Variants in EFR3B observed in about 807,000 individuals in gnomAD.
EFR3B encodes the protein EFR3 homolog B.
In EFR3B, 64 loss-of-function variants were observed where a neutral mutation model predicts 104.7. The ratio of observed to expected loss-of-function variants is 0.61; its 90% CI spans 0.50 to 0.75. The LOEUF is 0.75. Ranked by LOEUF, EFR3B falls within the 30% of genes least tolerant of loss-of-function variation. The probability of loss-of-function intolerance (pLI) is 0.00; values close to 1 mark genes in which losing one functional copy is unlikely to be tolerated. For synonymous variants in EFR3B, 385 were observed against 417.9 expected (o/e 0.92, Z 0.96); for missense variants, 750 against 1,078.5 (o/e 0.70, Z 4.27).
intron 12 of EFR3B, 34 bp from the exon 13 acceptor site, chr2:25,135,433 T>G: frequency 6.5e-7 from 1 of 1,549,036 alleles, no homozygotes; most frequent in Non-Finnish European, 8.7e-7. Context: ...AGGGACAGCA[T>G]TCCTAGGCAT....
rs764885668 is a variant in EFR3B at position 25,131,932 on chromosome 2, G to A, written c.1147+21G>A. 9.4e-5 allele frequency: 137 copies of A among 1,452,768 alleles called. No individual in the cohort carries two copies. In the African/African-American group the frequency reaches 1.1e-3, roughly 12 times the overall value. 90.0% of individuals were successfully genotyped at this position (1,452,768 alleles called of 1,614,324 possible). ...CGTGGGTGCGGCGCGGGGCCGGGCC[G>A]GGGCGGGGCGGGGCCGAGGCGCGGA... On this transcript the variant is annotated intron_variant, in intron 10 of 22. Coordinates refer to ENST00000403714, the MANE Select transcript of EFR3B (RefSeq NM_014971.2). This position sits in a 1 kb window ranked among gnomAD's most constrained non-coding sequence, Gnocchi z 7.6.
intron 1 of EFR3B, among the ~76,000 whole-genome samples, chr2:25,073,384 G>A (rs188420490): frequency 6.8e-6 from 1 of 147,192 alleles, no homozygotes; most frequent in African/African-American, 2.5e-5. Context: ...TTTAGACAGA[G>A]TGTTGCTCTA....
intron 1 of EFR3B, among the ~76,000 whole-genome samples, chr2:25,071,378 G>A (rs924491143): frequency 6.0e-5 from 9 of 151,076 alleles, no homozygotes; most frequent in East Asian, 3.9e-4. Context: ...CTCCTGCCTC[G>A]GCCTCCTGAG....
At chr2:25,149,884 C>T (rs547309073) in intron 20 of EFR3B, 142 bp downstream of exon 20, 291 of 785,300 alleles carry the variant, frequency 3.7e-4, no homozygotes, top group Non-Finnish European at 5.9e-4. Context: ...TGTCTTTTGA[C>T]AAACTCATCA....
rs1196121415 is a variant in EFR3B at position 25,130,599 on chromosome 2, G to T, written c.818G>T (p.Arg273Leu). Residue 273 changes from arginine (R) to leucine (L), a missense_variant, in exon 8 of 23, where the codon CGT becomes CTT. Physicochemically the swap from Arg to Leu is moderately radical, Grantham distance 102. Coordinates refer to ENST00000403714, the MANE Select transcript of EFR3B (RefSeq NM_014971.2). The surrounding 1 kb of genome is among the most constrained non-coding windows in gnomAD (Gnocchi z 4.6). ...SLWEPKVFAI[R>L]CFKIIMYSIQ... ...TGGGAACCCAAGGTGTTTGCCATCCGTTGCTTTAAAATCATCATGTACTCA... is the reference window on the plus strand; with the variant it reads ...TGGGAACCCAAGGTGTTTGCCATCCTTTGCTTTAAAATCATCATGTACTCA... 1.9e-6 allele frequency: 3 copies of T among 1,551,668 alleles called. No individual in the cohort carries two copies. Among genetic ancestry groups the T allele is most frequent in the Non-Finnish European group, 2.6e-6 (3 of 1,146,992 alleles).
intron 1 of EFR3B, among the ~76,000 whole-genome samples, chr2:25,045,844 T>C (rs1265554627): frequency 6.6e-6 from 1 of 151,682 alleles, no homozygotes; most frequent in Non-Finnish European, 1.5e-5. Context: ...GGCTGGAGCA[T>C]CCCGTTTCCC....
rs745979911 is a variant in EFR3B, at chr2:25,144,990, T to C, written c.2081T>C (p.Ile694Thr). 2.8e-5 allele frequency: 44 copies of C among 1,551,572 alleles called. No individual in the cohort carries two copies. The highest frequency in any genetic ancestry group is 3.9e-5 in the Admixed American group (2 of 50,978). Residue 694 changes from isoleucine to threonine, a missense_variant, in exon 19 of 23, where the codon ATT becomes ACT. Physicochemically the swap from Ile to Thr is moderately conservative, Grantham distance 89. Transcript: ENST00000403714. Reference sequence around the variant, plus strand: ...GATCGTTTATCCAAGAGGAGGAGCATTGGAGAGACCATCTCCCTGCAGGTG... The same window carrying C: ...GATCGTTTATCCAAGAGGAGGAGCACTGGAGAGACCATCTCCCTGCAGGTG... ...DEDRLSKRRSIGETISLQVEV... is the reference protein window; with the variant it reads ...DEDRLSKRRSTGETISLQVEV...
chr2:25,078,446 G>A (rs1668694935), intron 1 of EFR3B, among the ~76,000 whole-genome samples: 1 of 152,164 alleles, frequency 6.6e-6, no homozygotes, highest in Non-Finnish European at 1.5e-5. Context: ...ACTATTTTGA[G>A]CAAAAAGGCA....
intron 1 of EFR3B, 55 bp from the exon 2 acceptor site, chr2:25,091,270 T>A: frequency 1.3e-6 from 2 of 1,525,394 alleles, no homozygotes; most frequent in Non-Finnish European, 1.8e-6. Flanking sequence ...GGCTCCAACC[T>A]TTCCTGGGCC....
intron 1 of EFR3B, chr2:25,080,541 G>A (rs1187277256): frequency 2.1e-5 from 10 of 479,320 alleles, no homozygotes; most frequent in African/African-American, 4.0e-5. Context: ...GTATCTGCCC[G>A]CCTCGGCCTC....
chr2:25,048,545 G>A (rs1667782146), intron 1 of EFR3B, among the ~76,000 whole-genome samples: 1 of 152,166 alleles, frequency 6.6e-6, no homozygotes, highest in Admixed American at 6.5e-5. Context: ...CTAGACTGTA[G>A]CCCTTCAAAT....
Position 25,141,380 on chromosome 2 carries a change from G to A in EFR3B, c.1869G>A (p.Arg623=). 6.4e-7 allele frequency: 1 copy of A among 1,551,542 alleles called. No homozygotes were observed. The highest frequency in any genetic ancestry group is 8.7e-7 in the Non-Finnish European group (1 of 1,146,898). The stretch of plus-strand genomic sequence containing the variant: ...CCAACCGCCAGGTGATAGAGACCAG[G>A]AAGAAAGAGGCTCCATACATGCTCC... The part of the protein sequence containing the change: ...CQHIHEVIET[R]KKEAPYMLPE... Residue 623 remains arginine (R), a synonymous_variant, in exon 17 of 23, where the codon AGG becomes AGA. Coordinates refer to ENST00000403714, the MANE Select transcript of EFR3B (RefSeq NM_014971.2).
intron 16 of EFR3B, among the ~76,000 whole-genome samples, chr2:25,139,393 G>T (rs1207006026): frequency 6.6e-6 from 1 of 151,984 alleles, no homozygotes; most frequent in African/African-American, 2.4e-5. Flanking sequence ...TTAGGCACAG[G>T]GGTTGGGGGG....
At chr2:25,063,835 C>T (rs1391386412) in intron 1 of EFR3B, among the ~76,000 whole-genome samples, 2 of 152,208 alleles carry the variant, frequency 1.3e-5, no homozygotes, top group Non-Finnish European at 2.9e-5. Context: ...TTCTCCACTC[C>T]TCATTTAGAG....
intron 4 of EFR3B, among the ~76,000 whole-genome samples, chr2:25,119,930 A>G (rs1669967671): frequency 6.6e-6 from 1 of 152,226 alleles, no homozygotes; most frequent in Admixed American, 6.5e-5. Flanking sequence ...AGAATACTAT[A>G]TCCTTTTTGA....
chr2:25,135,782 T>A, intron 13 of EFR3B, 143 bp downstream of exon 13: 1 of 1,041,886 alleles, frequency 9.6e-7, no homozygotes, highest in East Asian at 2.6e-5. Flanking sequence ...ACAATTCAGA[T>A]ACTCAGTGAG....
intron 1 of EFR3B, among the ~76,000 whole-genome samples, chr2:25,084,634 G>A (rs1225089223): frequency 6.6e-6 from 1 of 152,184 alleles, no homozygotes; most frequent in African/African-American, 2.4e-5. Context: ...CAAGGTGGTT[G>A]AGGCATGGTT....
chr2:25,112,040 G>A (rs1229193121), intron 4 of EFR3B, among the ~76,000 whole-genome samples: 1 of 152,246 alleles, frequency 6.6e-6, no homozygotes, highest in Non-Finnish European at 1.5e-5. Flanking sequence ...ATCCCCCTGA[G>A]TGTCTGTGGT....
intron 20 of EFR3B, among the ~76,000 whole-genome samples, chr2:25,151,317 G>A (rs1261871704): frequency 5.3e-5 from 8 of 151,690 alleles, no homozygotes; most frequent in East Asian, 1.9e-4. Flanking sequence ...GTGCAATGGC[G>A]TGATCTTGGC....
Sources: allele counts gnomAD v4.1 joint callset (sites outside exome capture counted in the v4.1 genomes callset), GRCh38; gene constraint gnomAD v4.1.1; non-coding constraint Gnocchi (gnomAD v3.1); transcripts MANE v1.5; gene names NCBI Gene and HGNC (gene_info 2026-07-23, HGNC 2026-07-21).